EEFSEC: variants seen among roughly 807,000 people sequenced by gnomAD.
EEFSEC encodes selenocysteine-specific elongation factor.
Under a neutral mutation model 42.1 loss-of-function variants are expected in EEFSEC, and 43 were observed. The observed-to-expected ratio is 1.02, with a 90% CI of 0.80 to 1.32. The LOEUF (loss-of-function observed/expected upper bound fraction) is 1.32, where lower values mean the gene tolerates loss of function less well. Among genes scored for constraint, EEFSEC ranks in the 40% most tolerant of loss-of-function variants. EEFSEC has a pLI of 0.00. For missense variants in EEFSEC, 745 were observed against 803.6 expected (o/e 0.93, Z 0.88); for synonymous variants, 354 against 339.1 (o/e 1.04, Z -0.48).
intron 2 of EEFSEC, among the ~76,000 whole-genome samples, chr3:128,260,500 G>A (rs1246841589): frequency 2.0e-5 from 3 of 152,208 alleles, no homozygotes; most frequent in Non-Finnish European, 2.9e-5. Context: ...CCAGGGAAAA[G>A]GCTATTTGCA....
At chr3:128,242,704 C>T (rs1438685584) in intron 1 of EEFSEC, among the ~76,000 whole-genome samples, 1 of 152,112 alleles carries the variant, frequency 6.6e-6, no homozygotes, top group African/African-American at 2.4e-5. Context: ...ATATAATTTA[C>T]AGAATTGGAA....
the EEFSEC span, among the ~76,000 whole-genome samples, chr3:128,416,657 A>G: frequency 6.6e-6 from 1 of 152,158 alleles, no homozygotes; most frequent in African/African-American, 2.4e-5. Context: ...GGGGCCTAGC[A>G]TGTCATGGGG....
At chr3:128,323,410 A>G (rs140081953) in intron 4 of EEFSEC, among the ~76,000 whole-genome samples, 144 of 152,314 alleles carry the variant, frequency 9.5e-4, no homozygotes, top group African/African-American at 3.4e-3. Flanking sequence ...GGTGGAGCCC[A>G]TGCCATTCTG....
chr3:128,282,088 C>A (rs2066532217), intron 4 of EEFSEC, among the ~76,000 whole-genome samples: 1 of 152,224 alleles, frequency 6.6e-6, no homozygotes, highest in African/African-American at 2.4e-5. Flanking sequence ...CAGTTACCTG[C>A]CCACCAGGGC....
chr3:128,238,518 T>A (rs2066036073), intron 1 of EEFSEC, among the ~76,000 whole-genome samples: 1 of 152,160 alleles, frequency 6.6e-6, no homozygotes, highest in Non-Finnish European at 1.5e-5. Flanking sequence ...TTCGGGGTTT[T>A]TTGGGGTTTT....
intron 1 of EEFSEC, among the ~76,000 whole-genome samples, chr3:128,167,150 T>C (rs1271051374): frequency 6.6e-6 from 1 of 152,112 alleles, no homozygotes; most frequent in African/African-American, 2.4e-5. Context: ...GAAGGGTCAT[T>C]GTCCACCCTC....
intron 4 of EEFSEC, among the ~76,000 whole-genome samples, chr3:128,294,937 C>T (rs1331188751): frequency 1.3e-5 from 2 of 152,214 alleles, no homozygotes; most frequent in African/African-American, 4.8e-5. Context: ...TTGCATGTAC[C>T]TCCAGGCCTC....
At chr3:128,420,852 T>C in the EEFSEC span, among the ~76,000 whole-genome samples, 1 of 152,102 alleles carries the variant, frequency 6.6e-6, no homozygotes, top group African/African-American at 2.4e-5. Flanking sequence ...GGCCCCACTG[T>C]GCCCCCTCCT....
intron 4 of EEFSEC, among the ~76,000 whole-genome samples, chr3:128,338,321 G>A (rs1040698015): frequency 2.6e-5 from 4 of 152,218 alleles, no homozygotes; most frequent in Non-Finnish European, 4.4e-5. Flanking sequence ...TGCTGAGTGG[G>A]GAGGACCACA....
At chr3:128,154,663 C>T (rs1231637467) in intron 1 of EEFSEC, among the ~76,000 whole-genome samples, 1 of 151,964 alleles carries the variant, frequency 6.6e-6, no homozygotes, top group Non-Finnish European at 1.5e-5. Context: ...GTTGGTCAGG[C>T]TGGTCTCAAA....
At chr3:128,301,948 C>A (rs1220366213) in intron 4 of EEFSEC, among the ~76,000 whole-genome samples, 1 of 152,076 alleles carries the variant, frequency 6.6e-6, no homozygotes, top group African/African-American at 2.4e-5. Context: ...ACCTGGGGGG[C>A]TACTCAAAGT....
chr3:128,412,076 C>CTCGATGGT (rs2068177893), downstream of EEFSEC, among the ~76,000 whole-genome samples: 1 of 152,184 alleles, frequency 6.6e-6, no homozygotes, highest in Non-Finnish European at 1.5e-5. Context: ...CCAGTGTACA[C>CTCGATGGT]AGGGTGGTGG....
At chr3:128,294,658 A>G (rs2066682677) in intron 4 of EEFSEC, among the ~76,000 whole-genome samples, 1 of 152,190 alleles carries the variant, frequency 6.6e-6, no homozygotes, top group Non-Finnish European at 1.5e-5. Flanking sequence ...GAGGGACCCC[A>G]AGGGAGGGTC....
At chr3:128,361,860 T>C (rs1289517041) in intron 6 of EEFSEC, among the ~76,000 whole-genome samples, 1 of 152,128 alleles carries the variant, frequency 6.6e-6, no homozygotes, top group African/African-American at 2.4e-5. Context: ...AGAGAGTAGT[T>C]GGAGGAAGGA....
chr3:128,172,394 C>T (rs2065307843), intron 1 of EEFSEC, among the ~76,000 whole-genome samples: 1 of 152,238 alleles, frequency 6.6e-6, no homozygotes, highest in African/African-American at 2.4e-5. Context: ...ATGATTATCT[C>T]ACAGGGTGGT....
chr3:128,421,144 G>A, the EEFSEC span, among the ~76,000 whole-genome samples: 1 of 152,100 alleles, frequency 6.6e-6, no homozygotes, highest in African/African-American at 2.4e-5. Flanking sequence ...AGCAAGGTGT[G>A]CCAAAGGCCC....
chr3:128,243,395 G>GC (rs2066093927), intron 1 of EEFSEC, among the ~76,000 whole-genome samples: 2 of 152,228 alleles, frequency 1.3e-5, no homozygotes, highest in Admixed American at 1.3e-4. Context: ...GATGCGTGGA[G>GC]CACATGAGTC....
chr3:128,218,981 T>C (rs918846216), intron 1 of EEFSEC, among the ~76,000 whole-genome samples: 5 of 152,190 alleles, frequency 3.3e-5, no homozygotes, highest in African/African-American at 1.2e-4. Context: ...GTCCAGCGCC[T>C]GCCGTCAGGA....
intron 4 of EEFSEC, among the ~76,000 whole-genome samples, chr3:128,300,918 A>ATT (rs11368911): frequency 6.4e-4 from 97 of 150,934 alleles, no homozygotes; most frequent in South Asian, 2.5e-3. Context: ...ATGCTTGGGT[A>ATT]TTTTTTTTTG....
Sources: allele counts gnomAD v4.1 joint callset (sites outside exome capture counted in the v4.1 genomes callset), GRCh38; gene constraint gnomAD v4.1.1; transcripts MANE v1.5; gene names NCBI Gene and HGNC (gene_info 2026-07-23, HGNC 2026-07-21).